Variants in PHF21A observed in about 807,000 individuals in gnomAD.
The protein encoded by PHF21A is BHC80a.
PHF21A carries 11 observed loss-of-function variants against 82.5 expected under a neutral mutation model. That is an observed-to-expected ratio of 0.13 (90% CI 0.08 to 0.22). The LOEUF (loss-of-function observed/expected upper bound fraction) is 0.22. Among genes scored for constraint, PHF21A ranks in the 10% least tolerant of loss-of-function variants. The probability of loss-of-function intolerance (pLI) is 1.00; values close to 1 mark genes in which losing one functional copy is unlikely to be tolerated. For missense variants in PHF21A, 579 were observed against 837.8 expected (o/e 0.69, Z 3.81); for synonymous variants, 297 against 302.8 (o/e 0.98, Z 0.20).
rs550129842 is a variant in PHF21A at position 46,002,669 on chromosome 11, G to A, written c.154-22703C>T. 1.7e-5 allele frequency among the ~76,000 whole-genome samples: 2 copies of A among 118,038 alleles called. 1 individual carries two copies. Among genetic ancestry groups the A allele is most frequent in the South Asian group, 5.2e-4 (2 of 3,842 alleles). The allele number at this position is 118,038 out of a possible 152,430, so 77.4% of individuals were successfully genotyped here. A position where few individuals can be genotyped will look rare whatever the true frequency, so the allele number is the denominator to read the frequency against. On this transcript the variant is annotated intron_variant, in intron 6 of 18. Coordinates refer to ENST00000676320, the MANE Select transcript of PHF21A (RefSeq NM_001352027.3). ...CATATACACCTTTAAGGGATATAATGAAGAACTTTGGACTCTGTCCCCGTA... is the reference window on the plus strand; with the variant it reads ...CATATACACCTTTAAGGGATATAATAAAGAACTTTGGACTCTGTCCCCGTA...
chr11:46,065,163 A>G (rs2096579799), intron 6 of PHF21A, among the ~76,000 whole-genome samples: 1 of 152,186 alleles, frequency 6.6e-6, no homozygotes, highest in African/African-American at 2.4e-5. Flanking sequence ...TCTAGCTTCC[A>G]AATGCTCAAG....
At chr11:45,962,293 G>T (rs2093136480) in intron 10 of PHF21A, among the ~76,000 whole-genome samples, 1 of 81,834 alleles carries the variant, frequency 1.2e-5, no homozygotes, top group Admixed American at 1.6e-4. Flanking sequence ...GAGAACGTTG[G>T]ATACGGGTTT....
chr11:46,109,449 T>C (rs2097187065), intron 1 of PHF21A, among the ~76,000 whole-genome samples: 1 of 152,234 alleles, frequency 6.6e-6, no homozygotes, highest in Non-Finnish European at 1.5e-5. Flanking sequence ...AAAATGTGTG[T>C]ATGTCACTTC....
chr11:45,987,359 T>C (rs2094529242), intron 6 of PHF21A, among the ~76,000 whole-genome samples: 1 of 151,946 alleles, frequency 6.6e-6, no homozygotes, highest in African/African-American at 2.4e-5. Flanking sequence ...TAGCTGTTTG[T>C]TACCATAAAA....
At chr11:45,964,336 T>C (rs894459832) in intron 10 of PHF21A, among the ~76,000 whole-genome samples, 15 of 152,196 alleles carry the variant, frequency 9.9e-5, no homozygotes, top group African/African-American at 3.6e-4. Context: ...TTTTGATAAC[T>C]AGCTTCTTGA....
At chr11:46,063,131 A>C (rs60623533) in intron 6 of PHF21A, among the ~76,000 whole-genome samples, 4,922 of 152,296 alleles carry the variant, frequency 0.032, 199 homozygotes, top group African/African-American at 0.098. Flanking sequence ...GAAGAGAATA[A>C]AAAATAAAAG....
intron 6 of PHF21A, among the ~76,000 whole-genome samples, chr11:46,012,661 T>C (rs2095435093): frequency 6.6e-6 from 1 of 152,200 alleles, no homozygotes; most frequent in Non-Finnish European, 1.5e-5. Flanking sequence ...TAGAACATAG[T>C]AGAGGTAAGT....
chr11:46,119,902 G>A (rs901072645), intron 1 of PHF21A: 2 of 147,024 alleles, frequency 1.4e-5, no homozygotes, highest in African/African-American at 4.9e-5. Flanking sequence ...GGGCGCGGGC[G>A]GGGGAGGGGC....
intron 6 of PHF21A, among the ~76,000 whole-genome samples, chr11:46,043,643 AC>A (rs2096199879): frequency 6.7e-6 from 1 of 148,898 alleles, no homozygotes; most frequent in Non-Finnish European, 1.5e-5. Flanking sequence ...AAAAAAAAAA[AC>A]TGACCCACTT....
intron 6 of PHF21A, among the ~76,000 whole-genome samples, chr11:46,039,637 T>C (rs2096083342): frequency 6.6e-6 from 1 of 152,216 alleles, no homozygotes; most frequent in African/African-American, 2.4e-5. Flanking sequence ...AGGAGAGGAA[T>C]AGGCTCAATT....
chr11:46,067,144 A>G (rs1432829511), intron 6 of PHF21A, among the ~76,000 whole-genome samples: 1 of 152,128 alleles, frequency 6.6e-6, no homozygotes, highest in African/African-American at 2.4e-5. Flanking sequence ...TTTGTTTTCA[A>G]ATTTTCTTTT....
At chr11:46,097,553 A>G (rs994557940) in intron 1 of PHF21A, among the ~76,000 whole-genome samples, 2 of 152,204 alleles carry the variant, frequency 1.3e-5, no homozygotes, top group African/African-American at 2.4e-5. Context: ...AACTATAATC[A>G]GAATTGTTCC....
intron 7 of PHF21A, among the ~76,000 whole-genome samples, chr11:45,975,874 C>T (rs960636725): frequency 2.6e-5 from 4 of 152,094 alleles, no homozygotes; most frequent in Admixed American, 2.6e-4. Context: ...CTCCCCCTGG[C>T]CCCCCGATTG....
intron 14 of PHF21A, among the ~76,000 whole-genome samples, chr11:45,947,539 G>A (rs2091479564): frequency 6.6e-6 from 1 of 152,150 alleles, no homozygotes; most frequent in Non-Finnish European, 1.5e-5. Flanking sequence ...CAGTGCTGCT[G>A]GAAGGGGAAG....
At position 46,088,408 on chromosome 11, in the gene PHF21A, T is replaced by TAACAACAAC. The variant is rs3061959; in HGVS notation, c.-84+2038_-84+2046dup. On this transcript the variant is annotated intron_variant, in intron 3 of 18. Coordinates refer to ENST00000676320, the MANE Select transcript of PHF21A (RefSeq NM_001352027.3). ...TATCTAATGGCCTCTAACTTTCCAA[T>TAACAACAAC]AACAACAACAACAACAACAACAACA... 4.1e-3 allele frequency among the ~76,000 whole-genome samples: 619 copies of TAACAACAAC among 150,838 alleles called. 7 individuals carry two copies. Among genetic ancestry groups the TAACAACAAC allele is most frequent in the African/African-American group, 0.012 (505 of 41,008 alleles).
chr11:46,003,513 C>A lies in PHF21A; in HGVS notation c.154-23547G>T, dbSNP rs1334649189. Among the ~76,000 whole-genome samples the A allele has an allele frequency of 2.0e-5, 3 of 152,134 alleles. No homozygotes were observed. In the South Asian group the frequency reaches 6.2e-4, roughly 32 times the overall value. ...TTGATAGCTTAAAAATGCTGATGAACTTGATTTTTAAAACACCATAAAGCT... is the reference window on the plus strand; with the variant it reads ...TTGATAGCTTAAAAATGCTGATGAAATTGATTTTTAAAACACCATAAAGCT... On this transcript the variant is annotated intron_variant, in intron 6 of 18. Transcript: ENST00000676320.
At chr11:46,000,533 A>G (rs2095084871) in intron 6 of PHF21A, among the ~76,000 whole-genome samples, 1 of 152,242 alleles carries the variant, frequency 6.6e-6, no homozygotes. Context: ...TTTCTTTTGA[A>G]AAGTTGTAAA....
chr11:46,055,424 T>C (rs1252651216), intron 6 of PHF21A, among the ~76,000 whole-genome samples: 1 of 152,130 alleles, frequency 6.6e-6, no homozygotes, highest in Non-Finnish European at 1.5e-5. Flanking sequence ...ATGGGAAAAG[T>C]GTAGAGTACA....
chr11:45,953,065 G>A (rs1042897644), intron 11 of PHF21A, among the ~76,000 whole-genome samples: 12 of 152,060 alleles, frequency 7.9e-5, no homozygotes, highest in Admixed American at 5.2e-4. Context: ...TGGGGTTTGG[G>A]GTTCTAATGT....
Sources: allele counts gnomAD v4.1 joint callset (sites outside exome capture counted in the v4.1 genomes callset), GRCh38; gene constraint gnomAD v4.1.1; transcripts MANE v1.5; gene names NCBI Gene and HGNC (gene_info 2026-07-23, HGNC 2026-07-21).